Variants in ITFG1 observed in about 807,000 individuals in gnomAD.
The protein encoded by ITFG1 is T-cell immunomodulatory protein.
Under a neutral mutation model 81.8 loss-of-function variants are expected in ITFG1, and 34 were observed. The ratio of observed to expected loss-of-function variants is 0.42; its 90% CI spans 0.32 to 0.55. The LOEUF is 0.55. ITFG1 is among the 20% of genes least tolerant of loss of function. ITFG1 has a pLI of 0.17. For missense variants in ITFG1, 672 were observed against 755.4 expected (o/e 0.89, Z 1.29); for synonymous variants, 285 against 270.6 (o/e 1.05, Z -0.52).
chr16:47,316,216 T>A (rs534941667), intron 8 of ITFG1, among the ~76,000 whole-genome samples: 3 of 152,342 alleles, frequency 2.0e-5, no homozygotes, highest in Non-Finnish European at 4.4e-5. Context: ...CATATTTCAG[T>A]TTTTTGTACT....
At chr16:47,223,571 G>A (rs76134393) in intron 13 of ITFG1, among the ~76,000 whole-genome samples, 33,227 of 152,078 alleles carry the variant, frequency 0.22, 4,579 homozygotes, top group Non-Finnish European at 0.32. Context: ...AACAATAGGT[G>A]CTGGAGAGGA....
chr16:47,456,198 C>T (rs1969450769), intron 2 of ITFG1, among the ~76,000 whole-genome samples: 1 of 152,006 alleles, frequency 6.6e-6, no homozygotes, highest in Non-Finnish European at 1.5e-5. Flanking sequence ...GAGAAAGACC[C>T]TGTCTTTATC....
At chr16:47,344,636 G>A (rs1044969642) in intron 8 of ITFG1, among the ~76,000 whole-genome samples, 14 of 152,166 alleles carry the variant, frequency 9.2e-5, no homozygotes, top group African/African-American at 3.4e-4. Flanking sequence ...TTTAATGTTT[G>A]TGGGTACATA....
intron 12 of ITFG1, among the ~76,000 whole-genome samples, chr16:47,253,159 A>G (rs1343293770): frequency 6.6e-6 from 1 of 152,162 alleles, no homozygotes; most frequent in Admixed American, 6.5e-5. Flanking sequence ...TTAGGGTGGT[A>G]AGTTGAAGGC....
At chr16:47,295,845 G>A (rs906973767) in intron 10 of ITFG1, among the ~76,000 whole-genome samples, 4 of 151,756 alleles carry the variant, frequency 2.6e-5, no homozygotes, top group African/African-American at 9.7e-5. Context: ...TGCTAGCTTT[G>A]GGTTTGGTTT....
chr16:47,391,950 C>G (rs1020103390), intron 6 of ITFG1, among the ~76,000 whole-genome samples: 11 of 152,112 alleles, frequency 7.2e-5, no homozygotes, highest in African/African-American at 2.7e-4. Flanking sequence ...AAGTACTGTT[C>G]TAACTGGAAA....
chr16:47,185,480 T>A (rs1965199130), intron 14 of ITFG1, among the ~76,000 whole-genome samples: 2 of 152,262 alleles, frequency 1.3e-5, no homozygotes. Flanking sequence ...CTCAACTACA[T>A]GGAAACTGAA....
intron 8 of ITFG1, among the ~76,000 whole-genome samples, chr16:47,342,764 G>A (rs1967801511): frequency 1.3e-5 from 2 of 152,046 alleles, no homozygotes; most frequent in African/African-American, 4.8e-5. Flanking sequence ...ACAATAATAT[G>A]TACAAGAACA....
chr16:47,399,788 A>G (rs963324506), intron 6 of ITFG1, among the ~76,000 whole-genome samples: 1 of 150,856 alleles, frequency 6.6e-6, no homozygotes, highest in African/African-American at 2.4e-5. Flanking sequence ...TAATATTTTC[A>G]GGGGTTGAAG....
chr16:47,404,251 G>A (rs1389752830), intron 6 of ITFG1, among the ~76,000 whole-genome samples: 2 of 152,034 alleles, frequency 1.3e-5, no homozygotes, highest in Non-Finnish European at 2.9e-5. Flanking sequence ...TTTCCAATCT[G>A]CCTTTAATGG....
chr16:47,411,953 C>G (rs1234873735), intron 6 of ITFG1, among the ~76,000 whole-genome samples: 1 of 152,196 alleles, frequency 6.6e-6, no homozygotes, highest in Non-Finnish European at 1.5e-5. Flanking sequence ...ATTCTTCCAG[C>G]ATACATTGAC....
chr16:47,440,876 C>CA (rs1260482217), intron 5 of ITFG1, among the ~76,000 whole-genome samples: 40 of 152,142 alleles, frequency 2.6e-4, no homozygotes, highest in Middle Eastern at 6.8e-3. Flanking sequence ...AAAAACCCTT[C>CA]AAAAAATCAA....
intron 2 of ITFG1, among the ~76,000 whole-genome samples, chr16:47,457,136 C>G (rs1242917362): frequency 2.0e-5 from 3 of 151,918 alleles, no homozygotes; most frequent in Non-Finnish European, 4.4e-5. Context: ...ATGGTGAAAT[C>G]CCATCTCTAC....
At chr16:47,433,175 TATTTCA>T (rs1270480196) in intron 5 of ITFG1, among the ~76,000 whole-genome samples, 1 of 152,226 alleles carries the variant, frequency 6.6e-6, no homozygotes, top group Non-Finnish European at 1.5e-5. Context: ...ACCAAATGTT[TATTTCA>T]AAGGAAGACT....
At chr16:47,205,065 C>T (rs1424547055) in intron 14 of ITFG1, among the ~76,000 whole-genome samples, 2 of 152,192 alleles carry the variant, frequency 1.3e-5, no homozygotes, top group Non-Finnish European at 2.9e-5. Context: ...AATAATACTA[C>T]TATTTACATA....
intron 8 of ITFG1, among the ~76,000 whole-genome samples, chr16:47,351,522 T>G (rs1002318830): frequency 1.3e-5 from 2 of 152,126 alleles, no homozygotes; most frequent in Non-Finnish European, 2.9e-5. Context: ...AAGGACCTCT[T>G]CAAGGAGAAC....
intron 8 of ITFG1, among the ~76,000 whole-genome samples, chr16:47,330,768 T>C (rs1394988619): frequency 1.3e-5 from 2 of 151,964 alleles, no homozygotes; most frequent in African/African-American, 4.8e-5. Flanking sequence ...AAAACCACAA[T>C]GAGATACCAC....
At position 47,350,302 on chromosome 16, in the gene ITFG1, T is replaced by C. The variant is rs555345623; in HGVS notation, c.802+15486A>G. Among the ~76,000 whole-genome samples the C allele has an allele frequency of 3.4e-3, 521 of 151,994 alleles. 4 individuals are homozygous for C. Among genetic ancestry groups the C allele is most frequent in the African/African-American group, 0.012 (502 of 41,432 alleles). ...TAGTTTTTTGAAAAGATCAACAAAA[T>C]TGATAGACCACTAGCAAGACTAATA... On this transcript the variant is annotated intron_variant, in intron 8 of 17. Coordinates refer to ENST00000320640, the MANE Select transcript of ITFG1 (RefSeq NM_030790.5).
At chr16:47,211,115 G>A (rs899971805) in intron 14 of ITFG1, among the ~76,000 whole-genome samples, 4 of 152,160 alleles carry the variant, frequency 2.6e-5, no homozygotes, top group African/African-American at 9.7e-5. Flanking sequence ...GCAATTTATG[G>A]AAAACTGATA....
Sources: allele counts gnomAD v4.1 joint callset (sites outside exome capture counted in the v4.1 genomes callset), GRCh38; gene constraint gnomAD v4.1.1; transcripts MANE v1.5; gene names NCBI Gene and HGNC (gene_info 2026-07-23, HGNC 2026-07-21).